RBM44: variants seen among roughly 807,000 people sequenced by gnomAD.
RBM44 encodes the protein RNA-binding protein 44.
RBM44 carries 66 observed loss-of-function variants against 105.1 expected under a neutral mutation model. The observed-to-expected ratio is 0.63, with a 90% CI of 0.52 to 0.77. The LOEUF (loss-of-function observed/expected upper bound fraction) is 0.77, where lower values mean the gene tolerates loss of function less well. RBM44 is among the 30% of genes least tolerant of loss of function. The pLI, the probability that RBM44 is intolerant of heterozygous loss-of-function variation, is 0.00. For missense variants in RBM44, 1,122 were observed against 1,207.8 expected (o/e 0.93, Z 1.05); for synonymous variants, 365 against 417.6 (o/e 0.87, Z 1.54).
chr2:237,817,549 T>G lies in RBM44; in HGVS notation c.630T>G (p.Asp210Glu), dbSNP rs1324281967. Residue 210 changes from aspartate to glutamate, a missense_variant, in exon 3 of 16, where the codon GAT (aspartate) becomes GAG (glutamate). Coordinates refer to ENST00000316997, the MANE Select transcript of RBM44 (RefSeq NM_001080504.3). ...CTTTTGACCAAACAAAAGCATTAGA[T>G]ATATCTAATCCAGAAGTTGTTGAAT... ...HLSFDQTKAL[D>E]ISNPEVVELG... 1 of 1,611,856 alleles carries G rather than the reference T, an allele frequency of 6.2e-7. No individual in the cohort carries two copies. The highest frequency in any genetic ancestry group is 1.7e-5 in the Admixed American group (1 of 59,696).
At chr2:237,834,544 T>C in intron 15 of RBM44, 121 bp downstream of exon 15, 1 of 484,620 alleles carries the variant, frequency 2.1e-6, no homozygotes, top group South Asian at 3.7e-5. Flanking sequence ...CACAAAATAA[T>C]ATGAAATTTT....
Position 237,821,122 on chromosome 2 carries a change from T to C in RBM44, c.1965T>C (p.Ser655=). Residue 655 remains serine, a synonymous_variant, in exon 6 of 16, where the codon TCT becomes TCC. Coordinates refer to ENST00000316997, the MANE Select transcript of RBM44 (RefSeq NM_001080504.3). ...AKKELGSALL[S]LLGDLKVRYV... The stretch of plus-strand genomic sequence containing the variant: ...AGGAATTGGGATCAGCACTACTGTC[T>C]CTTTTGGGGGACTTAAAAGTTAGAT... The C allele has an allele frequency of 6.2e-7, 1 of 1,608,424 alleles. No individual in the cohort carries two copies. Among genetic ancestry groups the C allele is most frequent in the Non-Finnish European group, 8.5e-7 (1 of 1,178,296 alleles).
intron 13 of RBM44, among the ~76,000 whole-genome samples, chr2:237,833,761 TA>T (rs2061926694): frequency 6.6e-6 from 1 of 152,148 alleles, no homozygotes; most frequent in Non-Finnish European, 1.5e-5. Context: ...TATTTAGACA[TA>T]GCCTCCTATA....
At position 237,817,156 on chromosome 2, in the gene RBM44, AT is replaced by A. The variant is rs1477779271; in HGVS notation, c.244del (p.Ser82GlnfsTer2). On this transcript the variant is annotated frameshift_variant, in exon 3 of 16. Transcript: ENST00000316997. LOFTEE classifies it high-confidence loss of function. ...NIDKMDLLEP[F>X]FSVSQDTNTE... Reference sequence around the variant, plus strand: ...TTGACAAAATGGATTTATTAGAGCCATTTTTTTCAGTGAGTCAAGATACTAA... The same window carrying A: ...TTGACAAAATGGATTTATTAGAGCCATTTTTTCAGTGAGTCAAGATACTAA... 5 of 1,607,082 alleles carry A rather than the reference AT, an allele frequency of 3.1e-6. No individual in the cohort carries two copies. Among genetic ancestry groups the A allele is most frequent in the African/African-American group, 1.3e-5 (1 of 74,534 alleles).
At chr2:237,801,526 C>T (rs2061546292) in intron 1 of RBM44, among the ~76,000 whole-genome samples, 1 of 152,086 alleles carries the variant, frequency 6.6e-6, no homozygotes, top group Admixed American at 6.6e-5. Flanking sequence ...GGGGTTTCAC[C>T]ATGTTGCCTA....
At chr2:237,807,676 G>A (rs192316794) in intron 1 of RBM44, among the ~76,000 whole-genome samples, 6 of 152,214 alleles carry the variant, frequency 3.9e-5, no homozygotes, top group African/African-American at 7.2e-5. Context: ...AGAGTCTTTC[G>A]GGTGATCAGA....
At chr2:237,838,600 AC>A (rs1559925063) in intron 15 of RBM44, among the ~76,000 whole-genome samples, 1 of 152,160 alleles carries the variant, frequency 6.6e-6, no homozygotes, top group Non-Finnish European at 1.5e-5. Flanking sequence ...CTTACTAAAC[AC>A]CTTGCAGTTT....
intron 5 of RBM44, chr2:237,820,808 G>C (rs1008496850): frequency 1.3e-5 from 4 of 318,470 alleles, no homozygotes; most frequent in African/African-American, 8.6e-5. Context: ...AGCACTTTGG[G>C]AAGCTGAGGC....
Position 237,834,028 on chromosome 2 carries a change from C to A in RBM44, c.2918C>A (p.Ser973Tyr). The A allele has an allele frequency of 6.4e-7, 1 of 1,561,050 alleles. No homozygotes were observed. ...AAGAAGAATTGTAAGCAGATTGAAT[C>A]TGCTAAATTATTACCTGATACACCC... ...GVKKNCKQIE[S>Y]AKLLPDTPVQ... Residue 973 changes from serine to tyrosine, a missense_variant, in exon 14 of 16, where the codon TCT (serine) becomes TAT (tyrosine). Coordinates refer to ENST00000316997, the MANE Select transcript of RBM44 (RefSeq NM_001080504.3).
chr2:237,816,901 G>T, intron 2 of RBM44, 92 bp from the exon 3 acceptor site: 1 of 742,784 alleles, frequency 1.3e-6, no homozygotes, highest in Non-Finnish European at 2.1e-6. Flanking sequence ...ATCCCGCATT[G>T]GGAAGAGCTT....
chr2:237,819,148 A>G (rs1272582420), intron 4 of RBM44, among the ~76,000 whole-genome samples, 189 bp downstream of exon 4: 1 of 152,098 alleles, frequency 6.6e-6, no homozygotes, highest in Non-Finnish European at 1.5e-5. Context: ...TCACTTATTG[A>G]GATTTCAGTC....
chr2:237,839,312 C>T (rs964834494), intron 15 of RBM44, among the ~76,000 whole-genome samples: 5 of 152,072 alleles, frequency 3.3e-5, no homozygotes, highest in African/African-American at 1.2e-4. Flanking sequence ...GTCACTCAGT[C>T]GCCCAGGCTG....
intron 1 of RBM44, among the ~76,000 whole-genome samples, chr2:237,804,473 G>A (rs573452094): frequency 1.3e-5 from 2 of 152,286 alleles, no homozygotes; most frequent in African/African-American, 4.8e-5. Context: ...CTTGATAATA[G>A]CCATTCTGGC....
At chr2:237,830,232 A>T (rs75128840) in intron 13 of RBM44, among the ~76,000 whole-genome samples, 4,024 of 152,252 alleles carry the variant, frequency 0.026, 183 homozygotes, top group African/African-American at 0.092. Flanking sequence ...CCCTGAATGC[A>T]TTTGAGATTG....
At chr2:237,823,122 A>AAT (rs140101735) in intron 8 of RBM44, among the ~76,000 whole-genome samples, 17 of 146,552 alleles carry the variant, frequency 1.2e-4, no homozygotes, top group East Asian at 4.7e-4. Flanking sequence ...GTATATATAT[A>AAT]ATATATATAT....
intron 9 of RBM44, 25 bp downstream of exon 9, chr2:237,823,579 G>A: frequency 1.9e-6 from 2 of 1,041,590 alleles, no homozygotes; most frequent in Non-Finnish European, 2.9e-6. Flanking sequence ...GTGTTATCTT[G>A]TATAGTTGCT....
At chr2:237,820,530 C>T (rs1277157055) in intron 5 of RBM44, 179 bp downstream of exon 5, 6 of 440,148 alleles carry the variant, frequency 1.4e-5, no homozygotes, top group Admixed American at 8.4e-5. Flanking sequence ...GGCCACAGTG[C>T]GTGGTTGGCA....
Position 237,817,286 on chromosome 2 carries a change from A to G in RBM44, c.367A>G (p.Lys123Glu), listed in dbSNP as rs767551329. The change falls in exon 3 of 16, where the codon AAG (lysine) becomes GAG (glutamate). Residue 123 changes from lysine (K) to glutamate (E), a missense_variant. Around this residue, in one of 3 missense-constraint regions of RBM44, gnomAD observed 918 missense variants for 955.3 expected, o/e 0.96. Coordinates refer to ENST00000316997, the MANE Select transcript of RBM44 (RefSeq NM_001080504.3). ...SIPYSESKLK[K>E]ESLTPLSSEL... ...ACCTTATTCAGAGTCAAAACTAAAG[A>G]AGGAAAGTCTTACTCCTTTAAGTTC... 2 of 1,606,116 alleles carry G rather than the reference A, an allele frequency of 1.2e-6. No individual in the cohort carries two copies. Among genetic ancestry groups the G allele is most frequent in the African/African-American group, 2.7e-5 (2 of 74,508 alleles).
intron 15 of RBM44, among the ~76,000 whole-genome samples, chr2:237,839,528 CA>C (rs11289575): frequency 0.3 from 45,764 of 151,906 alleles, 7,139 homozygotes; most frequent in Admixed American, 0.38. Flanking sequence ...CTTGGCCTCC[CA>C]AAGTGCTAGG....
Sources: gnomAD v4.1 joint callset for allele counts (sites outside exome capture counted in the v4.1 genomes callset) on GRCh38, gnomAD v4.1.1 for gene constraint, gnomAD v4.1.1 regional missense constraint, MANE v1.5 for transcripts, NCBI Gene and HGNC (gene_info 2026-07-23, HGNC 2026-07-21) for gene names.